Variants in XRCC4 observed in about 807,000 individuals in gnomAD.
The protein encoded by XRCC4 is X-ray repair cross complementing 4.
A neutral mutation model predicts 39.1 loss-of-function variants in XRCC4; 28 were observed. That is an observed-to-expected ratio of 0.72 (90% CI 0.53 to 0.98). The LOEUF is 0.98. XRCC4 is among the 50% of genes least tolerant of loss of function. The pLI is 0.00. For synonymous variants in XRCC4, 123 were observed against 126.4 expected, an observed-to-expected ratio of 0.97 and a Z score of 0.18; for missense variants, 350 against 376.4, an observed-to-expected ratio of 0.93 and a Z score of 0.58.
chr5:83,276,188 A>T (rs1398729799), intron 7 of XRCC4, among the ~76,000 whole-genome samples: 1 of 152,184 alleles, frequency 6.6e-6, no homozygotes, highest in Non-Finnish European at 1.5e-5. Context: ...AAATCATCTA[A>T]CACAGAGCCT....
chr5:83,155,962 C>T (rs760360020), intron 3 of XRCC4, among the ~76,000 whole-genome samples: 4 of 152,098 alleles, frequency 2.6e-5, no homozygotes, highest in African/African-American at 9.6e-5. Context: ...AAATATTACT[C>T]TCACTCTCAA....
At chr5:83,134,580 G>T (rs1055616661) in intron 3 of XRCC4, among the ~76,000 whole-genome samples, 8 of 152,118 alleles carry the variant, frequency 5.3e-5, no homozygotes, top group African/African-American at 1.9e-4. Context: ...TCAGCTCTCT[G>T]CAAAATTGAC....
At chr5:83,098,225 T>A (rs60579055) in intron 1 of XRCC4, among the ~76,000 whole-genome samples, 2,295 of 152,218 alleles carry the variant, frequency 0.015, 44 homozygotes, top group African/African-American at 0.053. Flanking sequence ...TCTAGACTTA[T>A]TTTATAGTAC....
the XRCC4 span, among the ~76,000 whole-genome samples, chr5:83,369,386 A>G: frequency 6.6e-6 from 1 of 151,674 alleles, no homozygotes; most frequent in Non-Finnish European, 1.5e-5. Flanking sequence ...CAGTTTTTCA[A>G]CTCTTACCTC....
chr5:83,190,182 G>T (rs919674379), intron 3 of XRCC4, among the ~76,000 whole-genome samples: 1 of 152,200 alleles, frequency 6.6e-6, no homozygotes, highest in Admixed American at 6.5e-5. Context: ...TGATCAACTT[G>T]TAGTTGATGA....
At chr5:83,341,886 T>A (rs1185603172) in intron 7 of XRCC4, among the ~76,000 whole-genome samples, 1 of 152,196 alleles carries the variant, frequency 6.6e-6, no homozygotes, top group Non-Finnish European at 1.5e-5. Flanking sequence ...TTTTATGTGC[T>A]AAATATTGTT....
At chr5:83,358,964 AG>A in the XRCC4 span, among the ~76,000 whole-genome samples, 4 of 152,316 alleles carry the variant, frequency 2.6e-5, no homozygotes, top group East Asian at 7.7e-4. Flanking sequence ...TCATCCCACC[AG>A]GATCTTCCAA....
chr5:83,237,285 A>G (rs1272994641), intron 6 of XRCC4, among the ~76,000 whole-genome samples: 1 of 152,200 alleles, frequency 6.6e-6, no homozygotes, highest in African/African-American at 2.4e-5. Context: ...CACTGTTCAC[A>G]ATAGCCAACA....
chr5:83,312,600 T>C (rs1755744147), intron 7 of XRCC4, among the ~76,000 whole-genome samples: 1 of 152,132 alleles, frequency 6.6e-6, no homozygotes, highest in Admixed American at 6.6e-5. Context: ...TGTTTAGGAA[T>C]GCTCCGTGAT....
intron 1 of XRCC4, among the ~76,000 whole-genome samples, chr5:83,100,338 A>T (rs72767119): frequency 0.04 from 6,018 of 152,212 alleles, 196 homozygotes; most frequent in South Asian, 0.15. Context: ...AGATGTTCTT[A>T]AAACTGATCC....
chr5:83,096,480 G>A (rs115540801), intron 1 of XRCC4, among the ~76,000 whole-genome samples: 18 of 152,222 alleles, frequency 1.2e-4, no homozygotes, highest in African/African-American at 3.1e-4. Flanking sequence ...AAGCCAAGCC[G>A]TTTGGGGAAC....
chr5:83,186,814 T>G (rs1267176423), intron 3 of XRCC4, among the ~76,000 whole-genome samples: 1 of 152,122 alleles, frequency 6.6e-6, no homozygotes, highest in Non-Finnish European at 1.5e-5. Context: ...TCAATATAGG[T>G]CTCACCTAGC....
At chr5:83,078,258 T>C (rs1405810947) in intron 1 of XRCC4, among the ~76,000 whole-genome samples, 3 of 152,266 alleles carry the variant, frequency 2.0e-5, no homozygotes, top group Admixed American at 6.5e-5. Context: ...CACACGTTTT[T>C]CTTTCTGCAT....
rs367806953 is a variant in XRCC4 at position 83,119,998 on chromosome 5, CA to C, written c.315+8812del. On this transcript the variant is annotated intron_variant, in intron 3 of 7. Transcript: ENST00000396027. ...AGAGACAGAGTGAGACCTTGTCTCA[CA>C]AAAAAAAAAAAAAAAACAATAACAG... is the stretch of plus-strand genomic sequence containing the variant. 9.6e-3 allele frequency among the ~76,000 whole-genome samples: 597 copies of C among 62,106 alleles called. 1 individual carries two copies. Among genetic ancestry groups the C allele is most frequent in the African/African-American group, 0.021 (322 of 15,654 alleles). The allele number at this position is 62,106 out of a possible 152,430, so 40.7% of individuals were successfully genotyped here.
intron 7 of XRCC4, among the ~76,000 whole-genome samples, chr5:83,313,042 C>G (rs1487150777): frequency 1.3e-5 from 2 of 150,128 alleles, no homozygotes; most frequent in Non-Finnish European, 3.0e-5. Flanking sequence ...TTGACAGAAA[C>G]CATGCCAAAA....
intron 6 of XRCC4, among the ~76,000 whole-genome samples, chr5:83,212,147 T>C (rs551462641): frequency 1.1e-3 from 173 of 151,904 alleles, no homozygotes; most frequent in Admixed American, 7.9e-3. Context: ...TGTGTATATA[T>C]ACACACACAC....
At chr5:83,154,290 G>T (rs1439957415) in intron 3 of XRCC4, among the ~76,000 whole-genome samples, 2 of 152,182 alleles carry the variant, frequency 1.3e-5, no homozygotes, top group South Asian at 4.1e-4. Flanking sequence ...GAAAAAAAAG[G>T]TTGTATTGCC....
the XRCC4 span, among the ~76,000 whole-genome samples, chr5:83,370,166 C>T: frequency 6.6e-6 from 1 of 152,140 alleles, no homozygotes; most frequent in African/African-American, 2.4e-5. Context: ...CTAAACTTTC[C>T]TTGACAACTG....
chr5:83,205,367 A>G (rs766288210), intron 6 of XRCC4, among the ~76,000 whole-genome samples: 70 of 152,158 alleles, frequency 4.6e-4, no homozygotes, highest in Non-Finnish European at 9.0e-4. Context: ...CAGAAAAAAG[A>G]TTGCAACAAG....
Sources: gnomAD v4.1 joint callset for allele counts (sites outside exome capture counted in the v4.1 genomes callset) on GRCh38, gnomAD v4.1.1 for gene constraint, MANE v1.5 for transcripts, NCBI Gene and HGNC (gene_info 2026-07-23, HGNC 2026-07-21) for gene names.